PIK3C2G: variants seen among roughly 807,000 people sequenced by gnomAD.
The protein encoded by PIK3C2G is phosphatidylinositol 3-kinase C2 domain-containing subunit gamma.
PIK3C2G carries 168 observed loss-of-function variants against 181.1 expected under a neutral mutation model. The observed-to-expected ratio is 0.93, with a 90% CI of 0.82 to 1.05. The LOEUF is 1.05. Among genes scored for constraint, PIK3C2G ranks in the 50% least tolerant of loss-of-function variants. The pLI, the probability that PIK3C2G is intolerant of heterozygous loss-of-function variation, is 0.00. For synonymous variants in PIK3C2G, 573 were observed against 592.2 expected (o/e 0.97, Z 0.47); for missense variants, 1,869 against 1,732.8 (o/e 1.08, Z -1.40).
intron 25 of PIK3C2G, among the ~76,000 whole-genome samples, chr12:18,542,519 A>C (rs1384704323): frequency 6.6e-6 from 1 of 151,810 alleles, no homozygotes; most frequent in Non-Finnish European, 1.5e-5. Context: ...TATTAAGCCC[A>C]GTACCCAATA....
chr12:18,621,876 AAC>A lies in PIK3C2G; in HGVS notation c.4182+12260_4182+12261del, dbSNP rs369704540. 6.9e-3 allele frequency among the ~76,000 whole-genome samples: 1,051 copies of A among 151,390 alleles called. 10 individuals carry two copies. Among genetic ancestry groups the A allele is most frequent in the African/African-American group, 0.024 (1,004 of 41,412 alleles). On this transcript the variant is annotated intron_variant, in intron 31 of 32. Coordinates refer to ENST00000538779, the MANE Select transcript of PIK3C2G (RefSeq NM_001288772.2). ...TTATTCCACCTTTATATTAACAATC[AAC>A]ACACACACACACGTTGGAAAGATTA...
intron 24 of PIK3C2G, among the ~76,000 whole-genome samples, chr12:18,537,772 A>G (rs2136238570): frequency 1.3e-5 from 2 of 152,148 alleles, no homozygotes; most frequent in South Asian, 4.1e-4. Context: ...TATAAGGTCA[A>G]ACACATCTGT....
intron 24 of PIK3C2G, among the ~76,000 whole-genome samples, chr12:18,506,113 A>G (rs1229583727): frequency 2.0e-5 from 3 of 152,194 alleles, no homozygotes; most frequent in African/African-American, 7.2e-5. Flanking sequence ...AGACATGACA[A>G]AGAGCTGTGT....
chr12:18,621,198 A>G (rs2136666263), intron 31 of PIK3C2G, among the ~76,000 whole-genome samples: 1 of 151,956 alleles, frequency 6.6e-6, no homozygotes, highest in Middle Eastern at 3.4e-3. Context: ...GTTCAAAGCA[A>G]TTTGAAAAAA....
chr12:18,679,287 T>G, the PIK3C2G span, among the ~76,000 whole-genome samples: 1 of 152,140 alleles, frequency 6.6e-6, no homozygotes, highest in South Asian at 2.1e-4. Context: ...CAGAAGTTCT[T>G]TTTAAAAAAA....
chr12:18,495,352 A>G (rs1391860234), intron 20 of PIK3C2G, among the ~76,000 whole-genome samples: 3 of 152,258 alleles, frequency 2.0e-5, no homozygotes, highest in African/African-American at 7.2e-5. Context: ...TCAACATCAC[A>G]AAGCTGAAAA....
At chr12:18,650,293 TTCTCTCTCTCTCTCTCTCTC>T (rs140285960), downstream of PIK3C2G, among the ~76,000 whole-genome samples, 35 of 87,736 alleles carry the variant, frequency 4.0e-4, no homozygotes, top group South Asian at 1.1e-3. Context: ...TAACCCAAAT[TTCTCTCTCTCTCTCTCTCTC>T]TCTCTCTCTC....
At chr12:18,583,720 C>T (rs1362218310) in intron 29 of PIK3C2G, among the ~76,000 whole-genome samples, 1 of 152,064 alleles carries the variant, frequency 6.6e-6, no homozygotes, top group Non-Finnish European at 1.5e-5. Context: ...TGCCTAACCA[C>T]TTTAATCAGA....
intron 18 of PIK3C2G, among the ~76,000 whole-genome samples, chr12:18,442,393 G>A (rs1254600825): frequency 6.9e-6 from 1 of 145,028 alleles, no homozygotes; most frequent in Non-Finnish European, 1.5e-5. Context: ...ATATAAATAA[G>A]CAATCAAATC....
At chr12:18,257,843 GAAAGAGAA>G (rs1948163291), upstream of PIK3C2G, among the ~76,000 whole-genome samples, 1 of 117,340 alleles carries the variant, frequency 8.5e-6, no homozygotes, top group Non-Finnish European at 1.9e-5. Context: ...GAAAGGAAAA[GAAAGAGAA>G]AGAAAGAAAG....
intron 24 of PIK3C2G, among the ~76,000 whole-genome samples, chr12:18,511,472 C>A (rs1043928611): frequency 2.6e-5 from 4 of 151,788 alleles, no homozygotes; most frequent in African/African-American, 9.7e-5. Flanking sequence ...TTTTTTAAAC[C>A]CTCCCCAACA....
At chr12:18,244,172 T>A (rs557837883), upstream of PIK3C2G, among the ~76,000 whole-genome samples, 18 of 151,938 alleles carry the variant, frequency 1.2e-4, no homozygotes, top group Admixed American at 1.1e-3. Flanking sequence ...AAAGAAAATG[T>A]CTAGAAGAAA....
chr12:18,347,575 C>T (rs1242703784), intron 11 of PIK3C2G, among the ~76,000 whole-genome samples: 3 of 152,054 alleles, frequency 2.0e-5, no homozygotes, highest in Non-Finnish European at 2.9e-5. Flanking sequence ...TTTGGGAGGC[C>T]TAGGCGGGCA....
At chr12:18,573,337 T>C (rs1462268197) in intron 29 of PIK3C2G, among the ~76,000 whole-genome samples, 1 of 152,178 alleles carries the variant, frequency 6.6e-6, no homozygotes, top group East Asian at 1.9e-4. Flanking sequence ...ATTCCTCAGA[T>C]ACAGCCATCT....
rs79880749 is a variant in PIK3C2G, at chr12:18,415,481, G to A, written c.2316-5460G>A. The stretch of plus-strand genomic sequence containing the variant: ...GCTCCCTGTCTCTCTCCCTTTCCTT[G>A]GGCCTCCCTGTTCCCTGAGACCCTA... On this transcript the variant is annotated intron_variant, in intron 16 of 32. Transcript: ENST00000538779. Among the ~76,000 whole-genome samples, 1,061 of 152,164 alleles carry A rather than the reference G, an allele frequency of 7.0e-3. 6 individuals carry two copies. The highest frequency in any genetic ancestry group is 0.019 in the African/African-American group (777 of 41,528).
At chr12:18,536,458 A>G (rs1400707101) in intron 24 of PIK3C2G, among the ~76,000 whole-genome samples, 2 of 152,098 alleles carry the variant, frequency 1.3e-5, no homozygotes, top group Non-Finnish European at 2.9e-5. Context: ...TAAGTCACCC[A>G]GAGTCATAGA....
intron 4 of PIK3C2G, among the ~76,000 whole-genome samples, chr12:18,291,891 CAA>C (rs201787425): frequency 7.3e-4 from 82 of 112,132 alleles, no homozygotes; most frequent in Non-Finnish European, 6.6e-4. Flanking sequence ...CTAGCTTAAG[CAA>C]AAAAAAAAAA....
At chr12:18,543,609 G>T (rs1944278442) in intron 25 of PIK3C2G, among the ~76,000 whole-genome samples, 1 of 151,880 alleles carries the variant, frequency 6.6e-6, no homozygotes, top group Non-Finnish European at 1.5e-5. Flanking sequence ...TCTGCATATG[G>T]CTAGCCAGTT....
chr12:18,684,011 T>C, the PIK3C2G span: 134 of 1,221,350 alleles, frequency 1.1e-4, no homozygotes, highest in African/African-American at 2.0e-3. Context: ...TGTCAATACA[T>C]AAAATTTCCT....
Sources: gnomAD v4.1 joint callset for allele counts (sites outside exome capture counted in the v4.1 genomes callset) on GRCh38, gnomAD v4.1.1 for gene constraint, MANE v1.5 for transcripts, NCBI Gene and HGNC (gene_info 2026-07-23, HGNC 2026-07-21) for gene names.